The following ATG9A variants were observed in gnomAD, a reference collection of about 807,000 sequenced individuals.
ATG9A encodes the protein autophagy-related protein 9A.
In ATG9A, 21 loss-of-function variants were observed where a neutral mutation model predicts 87.1. That is an observed-to-expected ratio of 0.24 (90% CI 0.17 to 0.35). ATG9A has a LOEUF of 0.35. ATG9A is among the 10% of genes least tolerant of loss of function. ATG9A has a pLI of 1.00. For missense variants in ATG9A, 836 were observed against 1,107.3 expected (o/e 0.76, Z 3.48); for synonymous variants, 422 against 441.3 (o/e 0.96, Z 0.55).
rs1229202974 is a variant in ATG9A, at chr2:219,224,737, T to C, written c.634A>G (p.Ile212Val). The change falls in exon 8 of 16, where the codon ATC becomes GTC. Residue 212 changes from isoleucine (I) to valine (V), a missense_variant. By Grantham distance (29) the Ile-to-Val change is conservative (BLOSUM62 3). Around this residue, in one of 2 missense-constraint regions of ATG9A, gnomAD observed 512 missense variants for 759.6 expected, o/e 0.67. Transcript: ENST00000361242. The surrounding 1 kb of genome is among the most constrained non-coding windows in gnomAD (Gnocchi z 7.7). ...ELTELDIYHR[I>V]LRFQNYMVAL... ...ACCATGTAGTTCTGGAAACGGAGGA[T>C]GCGGTGGTAGATGTCCAGTTCTGTC... 1 of 1,614,216 alleles carries C rather than the reference T, an allele frequency of 6.2e-7. No individual in the cohort carries two copies. The highest frequency in any genetic ancestry group is 1.1e-5 in the South Asian group (1 of 91,086).
chr2:219,222,449 G>C lies in ATG9A; in HGVS notation c.1850C>G (p.Pro617Arg), dbSNP rs1185162643. 1 of 1,557,152 alleles carries C rather than the reference G, an allele frequency of 6.4e-7. No homozygotes were observed. The highest frequency in any genetic ancestry group is 1.9e-5 in the Admixed American group (1 of 51,412). ...TACCACATTTGCGATAAGGCTCAGG[G>C]GCTATGAACGAAACGGGTAGGTAGA... ...SIQSLQSESE[P>R]LSLIANVVAG... The change falls in exon 12 of 16, where the codon CCC (proline) becomes CGC (arginine). Residue 617 changes from proline to arginine, a missense_variant and splice_region_variant. Physicochemically the swap from Pro to Arg is moderately radical, Grantham distance 103. Coordinates refer to ENST00000361242, the MANE Select transcript of ATG9A (RefSeq NM_001077198.3). The surrounding 1 kb of genome is among the most constrained non-coding windows in gnomAD (Gnocchi z 4.3).
In ATG9A at chr2:219,225,056, A is replaced by G. The variant is rs1950834445; in HGVS notation, c.516+15T>C. On this transcript the variant is annotated intron_variant, in intron 7 of 15. Coordinates refer to ENST00000361242, the MANE Select transcript of ATG9A (RefSeq NM_001077198.3). ...TCTTAGACTATGGGCTAACTGCCCA[A>G]CTTCCCAGTCTTACCATAGGGATGC... 1 of 1,614,022 alleles carries G rather than the reference A, an allele frequency of 6.2e-7. No homozygotes were observed. Among genetic ancestry groups the G allele is most frequent in the African/African-American group, 1.3e-5 (1 of 74,934 alleles).
Position 219,223,422 on chromosome 2 carries a change from G to A in ATG9A, c.1599+163C>T, listed in dbSNP as rs1276394293. 6.6e-6 allele frequency among the ~76,000 whole-genome samples: 1 copy of A among 152,134 alleles called. No individual in the cohort carries two copies. The highest frequency in any genetic ancestry group is 1.5e-5 in the Non-Finnish European group (1 of 68,032). ...CTTTCTTAAGGGAGCTTGGCCAAGG[G>A]TGCGAATTAGGGCTGAAATCCAGCC... On this transcript the variant is annotated intron_variant, in intron 10 of 15. Coordinates refer to ENST00000361242, the MANE Select transcript of ATG9A (RefSeq NM_001077198.3). The surrounding 1 kb of genome is among the most constrained non-coding windows in gnomAD (Gnocchi z 4.7).
intron 15 of ATG9A, 31 bp from the exon 16 acceptor site, chr2:219,220,483 A>G: frequency 6.2e-7 from 1 of 1,613,304 alleles, no homozygotes; most frequent in Non-Finnish European, 8.5e-7. Context: ...TAATGGAGAT[A>G]GTCTTCAGCT....
intron 13 of ATG9A, 81 bp downstream of exon 13, chr2:219,221,969 A>G (rs1950769339): frequency 4.0e-6 from 5 of 1,262,564 alleles, no homozygotes; most frequent in Non-Finnish European, 4.5e-6. Flanking sequence ...AGAACAAGTA[A>G]ATGGCAGAGA....
chr2:219,225,256 G>A (rs1361942148), intron 6 of ATG9A, 44 bp from the exon 7 acceptor site: 2 of 1,612,790 alleles, frequency 1.2e-6, no homozygotes, highest in Non-Finnish European at 8.5e-7. Flanking sequence ...CCTCGAGGAA[G>A]GAGTCTTGGC....
chr2:219,224,842 A>G lies in ATG9A; in HGVS notation c.529T>C (p.Tyr177His), dbSNP rs1442712257. 2 of 1,602,184 alleles carry G rather than the reference A, an allele frequency of 1.2e-6. No homozygotes were observed. Among genetic ancestry groups the G allele is most frequent in the South Asian group, 2.2e-5 (2 of 90,332 alleles). The change falls in exon 8 of 16, where the codon TAT becomes CAT. Residue 177 changes from tyrosine (Y) to histidine (H), a missense_variant. By Grantham distance (83) the Tyr-to-His change is moderately conservative (BLOSUM62 2). Around this residue, in one of 2 missense-constraint regions of ATG9A, gnomAD observed 512 missense variants for 759.6 expected, o/e 0.67. Coordinates refer to ENST00000361242, the MANE Select transcript of ATG9A (RefSeq NM_001077198.3). This position sits in a 1 kb window ranked among gnomAD's most constrained non-coding sequence, Gnocchi z 7.7. ...GCCTGCACTTCTTGCCACGTGCAAT[A>G]CGGAAGGGCAGACTGCGGGGTGGGG... ...ALRIPMSALP[Y>H]CTWQEVQARI... is the part of the protein sequence containing the mutation.
chr2:219,225,781 C>G (rs1950848223), intron 5 of ATG9A, among the ~76,000 whole-genome samples: 1 of 152,254 alleles, frequency 6.6e-6, no homozygotes, highest in South Asian at 2.1e-4. Flanking sequence ...CAGCTGCAGC[C>G]TACTTTCCTC....
Position 219,224,354 on chromosome 2 carries a change from G to A in ATG9A, c.1017C>T (p.Tyr339=). Residue 339 remains tyrosine (Y), a synonymous_variant, in exon 8 of 16, where the codon TAC becomes TAT. Coordinates refer to ENST00000361242, the MANE Select transcript of ATG9A (RefSeq NM_001077198.3). The surrounding 1 kb of genome is among the most constrained non-coding windows in gnomAD (Gnocchi z 7.7). ...GCTCCAGCTCGTTGAAGTGGCGGAGGTAGCAGCGGCCATAGAGTGACCAGC... is the reference window on the plus strand; with the variant it reads ...GCTCCAGCTCGTTGAAGTGGCGGAGATAGCAGCGGCCATAGAGTGACCAGC... ...ARCWSLYGRC[Y]LRHFNELEHE... is the part of the protein sequence containing the mutation. 6.2e-7 allele frequency: 1 copy of A among 1,613,714 alleles called. No individual in the cohort carries two copies. Among genetic ancestry groups the A allele is most frequent in the Non-Finnish European group, 8.5e-7 (1 of 1,180,034 alleles).
chr2:219,221,994 C>T (rs771414973), intron 13 of ATG9A, 56 bp downstream of exon 13: 153 of 1,495,054 alleles, frequency 1.0e-4, no homozygotes, highest in Middle Eastern at 2.0e-4. Context: ...TTTGGAACCC[C>T]GGTCTTGCTT....
chr2:219,223,836 T>TCTCTAG lies in ATG9A; in HGVS notation c.1419+27_1419+32dup. ...CCCTCACCACCGAGCTACCAGCCAGTCTCTAGCAGGCCCTAACTCCAACTC... is the reference window on the plus strand; with the variant it reads ...CCCTCACCACCGAGCTACCAGCCAGTCTCTAGCTCTAGCAGGCCCTAACTCCAACTC... On this transcript the variant is annotated intron_variant, in intron 9 of 15. Coordinates refer to ENST00000361242, the MANE Select transcript of ATG9A (RefSeq NM_001077198.3). The surrounding 1 kb of genome is among the most constrained non-coding windows in gnomAD (Gnocchi z 4.7). 1 of 1,613,792 alleles carries TCTCTAG rather than the reference T, an allele frequency of 6.2e-7. No homozygotes were observed. The highest frequency in any genetic ancestry group is 8.5e-7 in the Non-Finnish European group (1 of 1,179,926).
chr2:219,221,234 A>T lies in ATG9A; in HGVS notation c.2214T>A (p.Ser738Arg). 6.3e-7 allele frequency: 1 copy of T among 1,576,570 alleles called. No individual in the cohort carries two copies. The highest frequency in any genetic ancestry group is 1.7e-4 in the Middle Eastern group (1 of 5,874). Residue 738 changes from serine (S) to arginine (R), a missense_variant, in exon 14 of 16, where the codon AGT becomes AGA. By Grantham distance (110) the Ser-to-Arg change is moderately radical. This residue lies in a region of ATG9A where 324 missense variants were observed against 347.6 expected (regional missense o/e 0.93). Coordinates refer to ENST00000361242, the MANE Select transcript of ATG9A (RefSeq NM_001077198.3). Reference protein sequence around the residue: ...HVWHRRESDESGESAPDEGGE... With the variant: ...HVWHRRESDERGESAPDEGGE... ...CCCCTTCATCAGGGGCGCTTTCTCC[A>T]CTCTCATCACTCTCCCGGCGGTGCC... is the stretch of plus-strand genomic sequence containing the variant.
chr2:219,225,853 G>A (rs1447031538), intron 5 of ATG9A, among the ~76,000 whole-genome samples: 1 of 151,546 alleles, frequency 6.6e-6, no homozygotes, highest in Non-Finnish European at 1.5e-5. Flanking sequence ...GTGGGTCTCT[G>A]ATCTCCAGTC....
Position 219,222,335 on chromosome 2 carries a change from A to G in ATG9A, c.1964T>C (p.Phe655Ser). Residue 655 changes from phenylalanine (F) to serine (S), a missense_variant, in exon 12 of 16, where the codon TTC becomes TCC. Transcript: ENST00000361242. The surrounding 1 kb of genome is among the most constrained non-coding windows in gnomAD (Gnocchi z 4.3). The part of the protein sequence containing the change: ...RAEVASALRS[F>S]SPLQPGQAPT... ...CGCCTGCCCGGGTTGCAGCGGGGAG[A>G]AGGAGCGCAGGGCAGAGGCGACTTC... The G allele has an allele frequency of 2.5e-6, 4 of 1,613,218 alleles. No individual in the cohort carries two copies. The highest frequency in any genetic ancestry group is 3.4e-6 in the Non-Finnish European group (4 of 1,179,988).
At position 219,227,938 on chromosome 2, in the gene ATG9A, G is replaced by C. The variant is rs766480047; in HGVS notation, c.87C>G (p.Val29=). The change falls in exon 3 of 16, where the codon GTC becomes GTG. Residue 29 remains valine (V), a synonymous_variant. Transcript: ENST00000361242. ...PPGEEDLLVH[V]AEGSKSPWHH... The stretch of plus-strand genomic sequence containing the variant: ...AGAACTCACACTTGCTCCCCTCGGC[G>C]ACGTGCACCAACAGGTCCTCCTCCC... The C allele has an allele frequency of 2.1e-5, 34 of 1,613,974 alleles. No individual in the cohort carries two copies. In the South Asian group the frequency reaches 3.4e-4, roughly 16 times the overall value.
rs1186999177 is a variant in ATG9A at position 219,226,578 on chromosome 2, C to T, written c.212+291G>A. Among the ~76,000 whole-genome samples the T allele has an allele frequency of 1.5e-4, 23 of 151,966 alleles. 1 individual carries two copies. The highest frequency in any genetic ancestry group is 1.4e-3 in the Admixed American group (22 of 15,272). ...TGGCACATGCCTGTAGTCCCAGCTA[C>T]TAAGGAGGCTGAGGCAGGAGAATCA... is the stretch of plus-strand genomic sequence containing the variant. On this transcript the variant is annotated intron_variant, in intron 5 of 15. Transcript: ENST00000361242.
At chr2:219,225,020 C>T in intron 7 of ATG9A, 51 bp downstream of exon 7, 1 of 1,607,730 alleles carries the variant, frequency 6.2e-7, no homozygotes, top group Non-Finnish European at 8.5e-7. Flanking sequence ...ACACCCACAC[C>T]TCCCAATACG....
chr2:219,221,628 C>G lies in ATG9A; in HGVS notation c.2146-326G>C, dbSNP rs192360285. ...GAACAAAACAGACAGAAATGCCAGC[C>G]CTTGTGAGGCTTATATACTGGTAGA... On this transcript the variant is annotated intron_variant, in intron 13 of 15. Coordinates refer to ENST00000361242, the MANE Select transcript of ATG9A (RefSeq NM_001077198.3). Among the ~76,000 whole-genome samples the G allele has an allele frequency of 2.0e-5, 3 of 152,150 alleles. No homozygotes were observed. In the East Asian group the frequency reaches 5.8e-4, roughly 29 times the overall value.
chr2:219,220,614 T>C (rs1389528391), intron 15 of ATG9A, 133 bp downstream of exon 15: 1 of 1,467,844 alleles, frequency 6.8e-7, no homozygotes, highest in African/African-American at 1.4e-5. Flanking sequence ...AAAGAAGGGG[T>C]AGTGTGTTTT....
Sources: allele counts gnomAD v4.1 joint callset (sites outside exome capture counted in the v4.1 genomes callset), GRCh38; gene constraint gnomAD v4.1.1; regional missense constraint gnomAD v4.1.1; non-coding constraint Gnocchi (gnomAD v3.1); transcripts MANE v1.5; gene names NCBI Gene and HGNC (gene_info 2026-07-23, HGNC 2026-07-21).